The following MATN2 variants were observed in gnomAD, a reference collection of about 807,000 sequenced individuals.
The protein encoded by MATN2 is matrilin 2.
Under a neutral mutation model 103.2 loss-of-function variants are expected in MATN2, and 69 were observed. The observed-to-expected ratio is 0.67, with a 90% CI of 0.55 to 0.82. The LOEUF (loss-of-function observed/expected upper bound fraction) is 0.82, where lower values mean the gene tolerates loss of function less well. Ranked by LOEUF, MATN2 falls within the 40% of genes least tolerant of loss-of-function variation. MATN2 has a pLI of 0.00. For missense variants in MATN2, 1,023 were observed against 1,211.5 expected, an observed-to-expected ratio of 0.84 and a Z score of 2.31; for synonymous variants, 429 against 450.2, an observed-to-expected ratio of 0.95 and a Z score of 0.60.
At position 98,035,724 on chromosome 8, in the gene MATN2, C is replaced by T. The variant is rs539890541; in HGVS notation, c.*12C>T. The T allele has an allele frequency of 5.7e-5, 91 of 1,584,492 alleles. No individual in the cohort carries two copies. Among genetic ancestry groups the T allele is most frequent in the East Asian group, 2.9e-4 (13 of 44,408 alleles). ...TGAGATACAGATGAAGATTAGAAAT[C>T]GCGACACATTTGTAGTCATTGTATC... On this transcript the variant is annotated 3_prime_UTR_variant, in exon 19 of 19. Coordinates refer to ENST00000254898, the MANE Select transcript of MATN2 (RefSeq NM_002380.5).
chr8:97,945,715 A>ATATATATATATAT (rs554472078), intron 4 of MATN2, among the ~76,000 whole-genome samples: 22 of 71,770 alleles, frequency 3.1e-4, no homozygotes, highest in African/African-American at 1.3e-3. Flanking sequence ...GAAAAAAAAA[A>ATATATATATATAT]AAATATATAT....
At chr8:97,926,148 C>T (rs1034242201) in intron 2 of MATN2, among the ~76,000 whole-genome samples, 2 of 152,178 alleles carry the variant, frequency 1.3e-5, no homozygotes, top group African/African-American at 4.8e-5. Flanking sequence ...GAGCTGTTAA[C>T]AGAGTCCAGA....
intron 2 of MATN2, among the ~76,000 whole-genome samples, chr8:97,909,874 C>T (rs1034933925): frequency 4.6e-5 from 7 of 152,088 alleles, no homozygotes; most frequent in Admixed American, 3.9e-4. Context: ...AGCTCCGCCT[C>T]CCGGGTTCAG....
chr8:97,904,436 T>C (rs775697644), intron 2 of MATN2, among the ~76,000 whole-genome samples: 9 of 152,228 alleles, frequency 5.9e-5, no homozygotes, highest in Non-Finnish European at 1.3e-4. Context: ...TGTGATTCTT[T>C]AACCAAAGGT....
intron 4 of MATN2, chr8:97,952,095 C>T (rs1300069001): frequency 6.6e-6 from 1 of 152,192 alleles, no homozygotes; most frequent in Non-Finnish European, 1.5e-5. Flanking sequence ...AGGGCATGGT[C>T]TCGAAAAGGC....
chr8:98,017,822 G>A (rs761172723), intron 11 of MATN2, among the ~76,000 whole-genome samples, 172 bp from the exon 12 acceptor site: 2 of 152,214 alleles, frequency 1.3e-5, no homozygotes, highest in Admixed American at 6.5e-5. Flanking sequence ...GGGTTAGCCC[G>A]AATTAGAGCC....
At chr8:97,911,790 G>A (rs1350514900) in intron 2 of MATN2, among the ~76,000 whole-genome samples, 1 of 152,172 alleles carries the variant, frequency 6.6e-6, no homozygotes, top group African/African-American at 2.4e-5. Context: ...ACAGGTCTCT[G>A]GACTCCCAGT....
In MATN2 at chr8:97,935,258, T is replaced by A. The variant is rs946789112; in HGVS notation, c.712+3736T>A. On this transcript the variant is annotated intron_variant, in intron 3 of 18. Coordinates refer to ENST00000254898, the MANE Select transcript of MATN2 (RefSeq NM_002380.5). ...TACACAACTGGAAATTGTCAGGGTC[T>A]GCCTGGGGGCTCCAGGAGAGCTTTA... is the stretch of plus-strand genomic sequence containing the variant. 3.9e-5 allele frequency among the ~76,000 whole-genome samples: 6 copies of A among 152,190 alleles called. No homozygotes were observed. The East Asian group carries it at 1.2e-3, about 29-fold the overall frequency.
At chr8:98,030,943 G>A (rs1017147049) in intron 15 of MATN2, among the ~76,000 whole-genome samples, 1 of 152,088 alleles carries the variant, frequency 6.6e-6, no homozygotes, top group Non-Finnish European at 1.5e-5. Context: ...GATTACAGGC[G>A]TGAGCCACCG....
At chr8:97,891,275 G>A (rs934366273) in intron 2 of MATN2, among the ~76,000 whole-genome samples, 2 of 152,210 alleles carry the variant, frequency 1.3e-5, no homozygotes, top group Non-Finnish European at 2.9e-5. Context: ...GTGTAAGGCA[G>A]TGGTTCTCAA....
intron 2 of MATN2, among the ~76,000 whole-genome samples, chr8:97,914,828 T>C (rs1359642168): frequency 6.6e-6 from 1 of 152,194 alleles, no homozygotes; most frequent in Non-Finnish European, 1.5e-5. Flanking sequence ...TTTACCTAAA[T>C]GCACACCCCA....
At chr8:97,933,610 C>T (rs952381304) in intron 3 of MATN2, among the ~76,000 whole-genome samples, 3 of 148,720 alleles carry the variant, frequency 2.0e-5, no homozygotes, top group African/African-American at 7.4e-5. Flanking sequence ...TGCTTTCTGG[C>T]AAGGCAGCAA....
At chr8:97,949,604 A>C (rs1314547230) in intron 4 of MATN2, among the ~76,000 whole-genome samples, 1 of 152,216 alleles carries the variant, frequency 6.6e-6, no homozygotes, top group Non-Finnish European at 1.5e-5. Flanking sequence ...GGTTTCTTAC[A>C]AAGTTAGATA....
chr8:97,918,312 T>C (rs925260101), intron 2 of MATN2, among the ~76,000 whole-genome samples: 1 of 152,206 alleles, frequency 6.6e-6, no homozygotes, highest in Non-Finnish European at 1.5e-5. Context: ...GACCTGACGA[T>C]ACAGCACTAA....
chr8:97,953,002 G>A (rs1475619460), intron 4 of MATN2, among the ~76,000 whole-genome samples: 1 of 143,926 alleles, frequency 6.9e-6, no homozygotes, highest in Non-Finnish European at 1.5e-5. Context: ...AGCTTACTGC[G>A]ACCTGGAACT....
intron 1 of MATN2, among the ~76,000 whole-genome samples, chr8:97,881,248 C>T (rs935070215): frequency 1.3e-5 from 2 of 152,196 alleles, no homozygotes; most frequent in African/African-American, 4.8e-5. Context: ...AACTTGGCTC[C>T]CAGGCCATGC....
chr8:97,947,894 T>G (rs1810806828), intron 4 of MATN2, among the ~76,000 whole-genome samples: 1 of 152,338 alleles, frequency 6.6e-6, no homozygotes, highest in South Asian at 2.1e-4. Flanking sequence ...TGCTCCTAGA[T>G]GAAATACAGA....
intron 1 of MATN2, among the ~76,000 whole-genome samples, chr8:97,875,393 C>A (rs371734648): frequency 6.6e-6 from 1 of 152,178 alleles, no homozygotes; most frequent in East Asian, 1.9e-4. Context: ...GAGCCTGGAA[C>A]TGCACACTTT....
intron 3 of MATN2, among the ~76,000 whole-genome samples, chr8:97,939,806 G>A (rs901247563): frequency 6.6e-6 from 1 of 152,254 alleles, no homozygotes; most frequent in African/African-American, 2.4e-5. Flanking sequence ...TGTGAAGAAT[G>A]AGGATCAACT....
Sources: gnomAD v4.1 joint callset for allele counts (sites outside exome capture counted in the v4.1 genomes callset) on GRCh38, gnomAD v4.1.1 for gene constraint, MANE v1.5 for transcripts, NCBI Gene and HGNC (gene_info 2026-07-23, HGNC 2026-07-21) for gene names.